The following CEP70 variants were observed in gnomAD, a reference collection of about 807,000 sequenced individuals.
The protein encoded by CEP70 is centrosomal protein 70.
Under a neutral mutation model 90.9 loss-of-function variants are expected in CEP70, and 70 were observed. The observed-to-expected ratio is 0.77, with a 90% confidence interval of 0.64 to 0.94. The LOEUF (loss-of-function observed/expected upper bound fraction) is 0.94, where lower values mean the gene tolerates loss of function less well. Ranked by LOEUF, CEP70 falls within the 40% of genes least tolerant of loss-of-function variation. The pLI is 0.00. For synonymous variants in CEP70, 220 were observed against 228.3 expected, an observed-to-expected ratio of 0.96 and a Z score of 0.33; for missense variants, 648 against 669.0, an observed-to-expected ratio of 0.97 and a Z score of 0.35.
At chr3:138,560,154 G>C (rs1255494482) in intron 6 of CEP70, among the ~76,000 whole-genome samples, 1 of 152,172 alleles carries the variant, frequency 6.6e-6, no homozygotes. Context: ...GTTTCCAACT[G>C]AGGTACCGTG....
At chr3:138,556,653 G>A (rs1208501928) in intron 6 of CEP70, among the ~76,000 whole-genome samples, 2 of 151,704 alleles carry the variant, frequency 1.3e-5, no homozygotes, top group Non-Finnish European at 2.9e-5. Context: ...ACAAAAGAGA[G>A]AAATTTTAAA....
chr3:138,561,783 T>G (rs1291536542), intron 6 of CEP70, among the ~76,000 whole-genome samples: 2 of 151,980 alleles, frequency 1.3e-5, no homozygotes, highest in Admixed American at 1.3e-4. Flanking sequence ...CCCAGCACTT[T>G]GGGAGTTCAA....
rs565407019 is a variant in CEP70, at chr3:138,591,378, T to C, written c.-6+476A>G. Among the ~76,000 whole-genome samples the C allele has an allele frequency of 1.6e-4, 25 of 151,966 alleles. No individual in the cohort carries two copies. In the South Asian group the frequency reaches 4.2e-3, roughly 25 times the overall value. On this transcript the variant is annotated intron_variant, in intron 2 of 17. Transcript: ENST00000264982. ...ACAAATATTCCAATTTTTTTTTTAA[T>C]CTAAAAGTCCAAAACATAGTTCCAA...
At chr3:138,589,868 A>T (rs2042294273) in intron 2 of CEP70, among the ~76,000 whole-genome samples, 1 of 152,210 alleles carries the variant, frequency 6.6e-6, no homozygotes, top group Admixed American at 6.5e-5. Context: ...GTATAAAAAG[A>T]ATAAACTTTG....
intron 17 of CEP70, chr3:138,496,198 G>A (rs551091645): frequency 9.6e-5 from 95 of 985,212 alleles, no homozygotes; most frequent in Non-Finnish European, 1.1e-4. Flanking sequence ...TAATAAACGC[G>A]TTCCCTTACA....
chr3:138,554,200 G>GAAA (rs58728127), intron 6 of CEP70, among the ~76,000 whole-genome samples: 45 of 131,510 alleles, frequency 3.4e-4, no homozygotes, highest in African/African-American at 1.2e-3. Flanking sequence ...GACTCCATAT[G>GAAA]AAAAAAAAAA....
chr3:138,497,303 C>T (rs1443471889), intron 17 of CEP70: 3 of 1,266,712 alleles, frequency 2.4e-6, no homozygotes. Context: ...AGCTTCATCT[C>T]CTCTTCTAAA....
chr3:138,502,205 T>C (rs999103769), intron 13 of CEP70, among the ~76,000 whole-genome samples: 1 of 152,206 alleles, frequency 6.6e-6, no homozygotes, highest in Non-Finnish European at 1.5e-5. Context: ...ATTTTAATTT[T>C]TCCCATACAA....
At position 138,537,237 on chromosome 3, in the gene CEP70, A is replaced by C. The variant is rs749216566; in HGVS notation, c.576T>G (p.Thr192=). The change falls in exon 7 of 18, where the codon ACT becomes ACG. Residue 192 remains threonine, a synonymous_variant. Transcript: ENST00000264982. ...ACAGATAGGCAAACACTCTGTTTTG[A>C]GTGACAATGCGATCTTCTTCCTCCT... ...LKKEEEDRIV[T]QNRVFAYLCK... The C allele has an allele frequency of 6.2e-7, 1 of 1,606,250 alleles. No individual in the cohort carries two copies. The highest frequency in any genetic ancestry group is 8.5e-7 in the Non-Finnish European group (1 of 1,176,908).
chr3:138,593,514 C>A (rs1191809246), intron 1 of CEP70, among the ~76,000 whole-genome samples: 1 of 152,176 alleles, frequency 6.6e-6, no homozygotes, highest in Admixed American at 6.5e-5. Context: ...TAAGCCACTG[C>A]GCCCTGCCTG....
intron 6 of CEP70, among the ~76,000 whole-genome samples, chr3:138,537,989 G>A (rs774115666): frequency 2.0e-5 from 3 of 151,984 alleles, no homozygotes; most frequent in Admixed American, 6.6e-5. Context: ...TAAGAGAATC[G>A]GACTTCTGTA....
intron 2 of CEP70, among the ~76,000 whole-genome samples, chr3:138,589,307 C>CA (rs1043647649): frequency 5.3e-5 from 8 of 151,842 alleles, no homozygotes; most frequent in African/African-American, 1.7e-4. Flanking sequence ...AATACTGACC[C>CA]AAAACAACCA....
intron 11 of CEP70, among the ~76,000 whole-genome samples, chr3:138,517,595 G>A (rs2036157182): frequency 6.6e-6 from 1 of 152,224 alleles, no homozygotes; most frequent in African/African-American, 2.4e-5. Flanking sequence ...CGTGAGCCCA[G>A]GAGGCAGAGC....
At chr3:138,560,097 T>C (rs2040289276) in intron 6 of CEP70, among the ~76,000 whole-genome samples, 1 of 152,194 alleles carries the variant, frequency 6.6e-6, no homozygotes, top group Non-Finnish European at 1.5e-5. Context: ...ACAGCTCCAG[T>C]CTGCAGCTCC....
At chr3:138,586,543 G>T (rs1359190222) in intron 2 of CEP70, among the ~76,000 whole-genome samples, 2 of 152,266 alleles carry the variant, frequency 1.3e-5, no homozygotes, top group African/African-American at 4.8e-5. Flanking sequence ...GATGGAACTG[G>T]AAGTCATTAT....
intron 6 of CEP70, among the ~76,000 whole-genome samples, chr3:138,543,884 G>C (rs1386676865): frequency 6.6e-6 from 1 of 152,182 alleles, no homozygotes; most frequent in African/African-American, 2.4e-5. Flanking sequence ...AATGTAAAAA[G>C]ATGTAAACTG....
At position 138,498,023 on chromosome 3, in the gene CEP70, G is replaced by C; in HGVS notation, c.1732+8C>G. 1 of 1,611,820 alleles carries C rather than the reference G, an allele frequency of 6.2e-7. No individual in the cohort carries two copies. The highest frequency in any genetic ancestry group is 2.2e-5 in the East Asian group (1 of 44,706). ...TCAAAATTTCACCATCACCACCAGA[G>C]ATCTTACCTAAGATTTCAAGTAGAT... On this transcript the variant is annotated splice_region_variant and intron_variant, in intron 17 of 17. Coordinates refer to ENST00000264982, the MANE Select transcript of CEP70 (RefSeq NM_024491.4).
intron 3 of CEP70, among the ~76,000 whole-genome samples, chr3:138,571,802 A>G (rs2041191706): frequency 6.6e-6 from 1 of 152,290 alleles, no homozygotes; most frequent in Admixed American, 6.5e-5. Flanking sequence ...TTTTTGAGAC[A>G]GAGTCTTGCT....
At chr3:138,550,815 C>A (rs1303134486) in intron 6 of CEP70, among the ~76,000 whole-genome samples, 2 of 152,174 alleles carry the variant, frequency 1.3e-5, no homozygotes, top group Non-Finnish European at 1.5e-5. Flanking sequence ...CCCAATCCAA[C>A]AATGACAAAG....
Sources: gnomAD v4.1 joint callset for allele counts (sites outside exome capture counted in the v4.1 genomes callset) on GRCh38, gnomAD v4.1.1 for gene constraint, MANE v1.5 for transcripts, NCBI Gene and HGNC (gene_info 2026-07-23, HGNC 2026-07-21) for gene names.